Variants in ZFP28 observed in about 807,000 individuals in gnomAD.
The protein encoded by ZFP28 is ZFP28 zinc finger protein, also known as zinc finger protein 28 homolog.
In ZFP28, 31 loss-of-function variants were observed where a neutral mutation model predicts 39.5. That is an observed-to-expected ratio of 0.79 (90% CI 0.59 to 1.06). The LOEUF (loss-of-function observed/expected upper bound fraction) is 1.06, where lower values mean the gene tolerates loss of function less well. Among genes scored for constraint, ZFP28 ranks in the 50% least tolerant of loss-of-function variants. The probability of loss-of-function intolerance (pLI) is 0.00; values close to 1 mark genes in which losing one functional copy is unlikely to be tolerated. For synonymous variants in ZFP28, 400 were observed against 378.6 expected, an observed-to-expected ratio of 1.06 and a Z score of -0.66; for missense variants, 925 against 1,048.4, an observed-to-expected ratio of 0.88 and a Z score of 1.63.
chr19:56,551,171 G>A (rs1052999391), intron 7 of ZFP28: 17 of 991,144 alleles, frequency 1.7e-5, no homozygotes, highest in Middle Eastern at 1.0e-3. Flanking sequence ...GTTGTTCCCA[G>A]TGGTGTCTAT....
In ZFP28 at chr19:56,547,734, C is replaced by A; in HGVS notation, c.428-73C>A. ...CACCCAGACCTGCACTGCCCTCTTG[C>A]GTCAAGCCAAGGGGACTGCATCTCA... On this transcript the variant is annotated intron_variant, in intron 3 of 7. Coordinates refer to ENST00000301318, the MANE Select transcript of ZFP28 (RefSeq NM_020828.2). The surrounding 1 kb of genome is among the most constrained non-coding windows in gnomAD (Gnocchi z 4.6). The A allele has an allele frequency of 6.3e-7, 1 of 1,599,622 alleles. No individual in the cohort carries two copies. The highest frequency in any genetic ancestry group is 8.5e-7 in the Non-Finnish European group (1 of 1,170,314).
Position 56,541,934 on chromosome 19 carries a change from C to T in ZFP28, c.300+2218C>T, listed in dbSNP as rs576471909. Reference sequence around the variant, plus strand: ...TAGAGACAGGGTTTCACCATGTTGGCCAGGCTGGTCTCGATTTCCTGACCT... The same window carrying T: ...TAGAGACAGGGTTTCACCATGTTGGTCAGGCTGGTCTCGATTTCCTGACCT... On this transcript the variant is annotated intron_variant, in intron 2 of 7. Transcript: ENST00000301318. Among the ~76,000 whole-genome samples, 128 of 140,740 alleles carry T rather than the reference C, an allele frequency of 9.1e-4. 1 individual carries two copies. Among genetic ancestry groups the T allele is most frequent in the Non-Finnish European group, 1.6e-3 (109 of 66,364 alleles). 92.3% of individuals were successfully genotyped at this position (140,740 alleles called of 152,430 possible).
chr19:56,550,989 A>T, intron 7 of ZFP28: 1 of 1,340,594 alleles, frequency 7.5e-7, no homozygotes, highest in Non-Finnish European at 9.6e-7. Context: ...AAGTTATGGG[A>T]TTGAGCCACT....
rs757898862 is a variant in ZFP28, at chr19:56,554,124, C to A, written c.1339C>A (p.Pro447Thr). The A allele has an allele frequency of 1.9e-6, 3 of 1,614,178 alleles. No homozygotes were observed. The highest frequency in any genetic ancestry group is 2.5e-6 in the Non-Finnish European group (3 of 1,180,038). Residue 447 changes from proline to threonine, a missense_variant, in exon 8 of 8, where the codon CCT becomes ACT. By Grantham distance (38) the Pro-to-Thr change is conservative (BLOSUM62 -1). This residue lies in a region of ZFP28 where 556 missense variants were observed against 542.9 expected (regional missense o/e 1.02). Transcript: ENST00000301318. This position sits in a 1 kb window ranked among gnomAD's most constrained non-coding sequence, Gnocchi z 6.7. ...VHQRIHTGEK[P>T]YKCNECGKAF... The stretch of plus-strand genomic sequence containing the variant: ...TCAGAGAATTCACACTGGAGAGAAA[C>A]CTTATAAATGTAATGAATGTGGGAA...
rs190754754 is a variant in ZFP28 at position 56,551,851 on chromosome 19, A to G, written c.898+1246A>G. 3.4e-4 allele frequency: 333 copies of G among 983,118 alleles called. No individual in the cohort carries two copies. In the African/African-American group the frequency reaches 4.4e-3, roughly 13 times the overall value. The allele number at this position is 983,118 out of a possible 1,614,324, so 60.9% of individuals were successfully genotyped here. ...CTTGTGTGTTAAATATTTTCTTAACAGTCTCAGTGACTGCTATGTATATAA... is the reference window on the plus strand; with the variant it reads ...CTTGTGTGTTAAATATTTTCTTAACGGTCTCAGTGACTGCTATGTATATAA... On this transcript the variant is annotated intron_variant, in intron 7 of 7. Transcript: ENST00000301318.
intron 2 of ZFP28, among the ~76,000 whole-genome samples, chr19:56,542,326 G>T (rs1312066961): frequency 6.6e-6 from 1 of 151,768 alleles, no homozygotes; most frequent in Non-Finnish European, 1.5e-5. Flanking sequence ...GCTAATTTTT[G>T]TATTTTTTGT....
intron 6 of ZFP28, 34 bp downstream of exon 6, chr19:56,550,215 C>T (rs371258864): frequency 3.8e-5 from 59 of 1,556,734 alleles, no homozygotes; most frequent in Middle Eastern, 1.7e-4. Context: ...TTGAATCTAT[C>T]GTCGGGTACC....
At chr19:56,552,366 G>A (rs1257652258) in intron 7 of ZFP28, 4 of 152,020 alleles carry the variant, frequency 2.6e-5, no homozygotes, top group Non-Finnish European at 5.9e-5. Flanking sequence ...TGGGTATTTT[G>A]TAGTTTAAAA....
intron 1 of ZFP28, 148 bp from the exon 2 acceptor site, chr19:56,539,477 G>A: frequency 2.6e-6 from 2 of 756,868 alleles, no homozygotes; most frequent in East Asian, 5.4e-5. Context: ...TGCTCCCAGG[G>A]AGGAAAAAAA....
intron 2 of ZFP28, among the ~76,000 whole-genome samples, chr19:56,542,453 A>G (rs1293678782): frequency 6.6e-6 from 1 of 152,162 alleles, no homozygotes; most frequent in Non-Finnish European, 1.5e-5. Flanking sequence ...GCGCCCAGAC[A>G]ATAATTGTAT....
intron 2 of ZFP28, chr19:56,546,042 C>A (rs1429673443): frequency 1.3e-5 from 2 of 152,222 alleles, no homozygotes; most frequent in Non-Finnish European, 2.9e-5. Flanking sequence ...TTCCATTGTG[C>A]CTTGCACGTT....
chr19:56,555,618 A>G lies in ZFP28; in HGVS notation c.*226A>G. 1 of 538,466 alleles carries G rather than the reference A, an allele frequency of 1.9e-6. No homozygotes were observed. The highest frequency in any genetic ancestry group is 3.1e-6 in the Non-Finnish European group (1 of 326,964). 33.4% of individuals were successfully genotyped at this position (538,466 alleles called of 1,614,324 possible). On this transcript the variant is annotated 3_prime_UTR_variant, in exon 8 of 8. Transcript: ENST00000301318. The stretch of plus-strand genomic sequence containing the variant: ...AGTGCTCAGTAAACTTAGCTGTTTT[A>G]AAAACTTTGTATTTGAACATTGAAA...
chr19:56,549,974 C>T lies in ZFP28; in HGVS notation c.688-93C>T, dbSNP rs577218296. 2.7e-5 allele frequency: 25 copies of T among 918,674 alleles called. No homozygotes were observed. In the East Asian group the frequency reaches 6.1e-4, roughly 23 times the overall value. 56.9% of individuals were successfully genotyped at this position (918,674 alleles called of 1,614,324 possible). ...AAGTTGCAGTTCTTGGTATGGAGTGCCTTTTTTGCAGTGTGGACACAGTCC... is the reference window on the plus strand; with the variant it reads ...AAGTTGCAGTTCTTGGTATGGAGTGTCTTTTTTGCAGTGTGGACACAGTCC... On this transcript the variant is annotated intron_variant, in intron 5 of 7. Transcript: ENST00000301318.
At position 56,547,444 on chromosome 19, in the gene ZFP28, CA is replaced by C; in HGVS notation, c.301-61del. 1.2e-6 allele frequency: 2 copies of C among 1,610,954 alleles called. No homozygotes were observed. The highest frequency in any genetic ancestry group is 2.2e-5 in the South Asian group (2 of 90,684). On this transcript the variant is annotated intron_variant, in intron 2 of 7. Coordinates refer to ENST00000301318, the MANE Select transcript of ZFP28 (RefSeq NM_020828.2). This position sits in a 1 kb window ranked among gnomAD's most constrained non-coding sequence, Gnocchi z 4.6. ...TCAGGGGACACATTTCTTTCTATAA[CA>C]AACCCCCAGTCATGTGGGGGCATGA...
At chr19:56,546,074 C>G (rs575877259) in intron 2 of ZFP28, 1 of 152,330 alleles carries the variant, frequency 6.6e-6, no homozygotes, top group East Asian at 1.9e-4. Context: ...GTATGTGTTG[C>G]CTCATTTAAT....
intron 5 of ZFP28, among the ~76,000 whole-genome samples, chr19:56,549,411 C>A (rs1165587156): frequency 2.6e-5 from 4 of 152,124 alleles, no homozygotes; most frequent in African/African-American, 9.7e-5. Context: ...GGCGCGGTGG[C>A]TCACGCCTGT....
chr19:56,548,443 CT>C (rs2044262935), intron 4 of ZFP28: 1 of 152,462 alleles, frequency 6.6e-6, no homozygotes. Context: ...AGGATCTGGA[CT>C]TTTATTAGTT....
chr19:56,539,537 A>C, intron 1 of ZFP28, 88 bp from the exon 2 acceptor site: 1 of 1,167,884 alleles, frequency 8.6e-7, no homozygotes, highest in African/African-American at 1.5e-5. Context: ...ATCTGATCCC[A>C]CCTTTTCATG....
chr19:56,550,255 G>A, intron 6 of ZFP28, 74 bp downstream of exon 6: 1 of 1,376,516 alleles, frequency 7.3e-7, no homozygotes, highest in East Asian at 2.5e-5. Context: ...TTTGAATTAT[G>A]GAGGAGGGAG....
Sources: gnomAD v4.1 joint callset for allele counts (sites outside exome capture counted in the v4.1 genomes callset) on GRCh38, gnomAD v4.1.1 for gene constraint, gnomAD v4.1.1 regional missense constraint, Gnocchi (gnomAD v3.1) non-coding constraint, MANE v1.5 for transcripts, NCBI Gene and HGNC (gene_info 2026-07-23, HGNC 2026-07-21) for gene names.